Variants in ACBD7 observed in about 807,000 individuals in gnomAD.
ACBD7 encodes the protein acyl-CoA binding domain containing 7.
ACBD7 carries 11 observed loss-of-function variants against 13.7 expected under a neutral mutation model. The observed-to-expected ratio is 0.80, with a 90% CI of 0.50 to 1.33. The LOEUF (loss-of-function observed/expected upper bound fraction) is 1.33. ACBD7 is among the 40% of genes most tolerant of loss of function. The pLI is 0.00. For synonymous variants in ACBD7, 43 were observed against 37.7 expected, an observed-to-expected ratio of 1.14 and a Z score of -0.51; for missense variants, 111 against 103.0, an observed-to-expected ratio of 1.08 and a Z score of -0.33.
rs778683102 is a variant in ACBD7, at chr10:15,079,040, C to T, written c.13G>A (p.Ala5Thr). Reference protein sequence around the residue: MALQADFDRAAEDVR... With the variant: MALQTDFDRAAEDVR... ...TCTTCTGCAGCCCTGTCAAAATCAGCCTAAAGGAAGAACAAACAAACAAAC... is the reference window on the plus strand; with the variant it reads ...TCTTCTGCAGCCCTGTCAAAATCAGTCTAAAGGAAGAACAAACAAACAAAC... The change falls in exon 2 of 4, where the codon GCT becomes ACT. Residue 5 changes from alanine (A) to threonine (T), a missense_variant and splice_region_variant. Coordinates refer to ENST00000356189, the MANE Select transcript of ACBD7 (RefSeq NM_001039844.3). The T allele has an allele frequency of 3.7e-6, 6 of 1,601,322 alleles. No homozygotes were observed. The East Asian group carries it at 1.3e-4, about 36-fold the overall frequency.
chr10:15,082,865 C>T (rs924219349), intron 1 of ACBD7, among the ~76,000 whole-genome samples: 2 of 151,804 alleles, frequency 1.3e-5, no homozygotes, highest in South Asian at 2.1e-4. Flanking sequence ...GGTGAAACAC[C>T]GTCTCTACTA....
rs1002606812 is a variant in ACBD7, at chr10:15,078,316, C to T, written c.*214G>A. 3 of 1,397,234 alleles carry T rather than the reference C, an allele frequency of 2.1e-6. No individual in the cohort carries two copies. The Admixed American group carries it at 8.8e-5, about 41-fold the overall frequency. The allele number at this position is 1,397,234 out of a possible 1,614,324, so 86.6% of individuals were successfully genotyped here. A position where few individuals can be genotyped will look rare whatever the true frequency, so the allele number is the denominator to read the frequency against. ...AGTATTCCATGGTGTATATGTGCCA[C>T]ATTTTCTTAAAAAGAACTTTTAAAG... On this transcript the variant is annotated 3_prime_UTR_variant, in exon 4 of 4. Coordinates refer to ENST00000356189, the MANE Select transcript of ACBD7 (RefSeq NM_001039844.3).
Position 15,076,952 on chromosome 10 carries a change from T to C in ACBD7, c.*1578A>G. ...TTCTAAAAAGTCAAAAAACAACAGA[T>C]GTGGAGAAAAGGGAATGCTTATACA... is the stretch of plus-strand genomic sequence containing the variant. On this transcript the variant is annotated 3_prime_UTR_variant, in exon 4 of 4. Coordinates refer to ENST00000356189, the MANE Select transcript of ACBD7 (RefSeq NM_001039844.3). 1.0e-6 allele frequency: 1 copy of C among 983,562 alleles called. No individual in the cohort carries two copies. The highest frequency in any genetic ancestry group is 1.2e-6 in the Non-Finnish European group (1 of 828,308). The allele number at this position is 983,562 out of a possible 1,614,324, so 60.9% of individuals were successfully genotyped here.
chr10:15,087,038 G>C (rs1844817748), intron 1 of ACBD7, among the ~76,000 whole-genome samples: 1 of 147,456 alleles, frequency 6.8e-6, no homozygotes, highest in East Asian at 2.0e-4. Context: ...AAAATAGCCA[G>C]GTGTGGTGGC....
In ACBD7 at chr10:15,078,481, G is replaced by A. The variant is rs767513855; in HGVS notation, c.*49C>T. On this transcript the variant is annotated 3_prime_UTR_variant, in exon 4 of 4. Transcript: ENST00000356189. Reference sequence around the variant, plus strand: ...CCTCTCCCTCTAAATGTTAGGTCATGATAGCATTTGGAAGTCTTCAAAAGG... The same window carrying A: ...CCTCTCCCTCTAAATGTTAGGTCATAATAGCATTTGGAAGTCTTCAAAAGG... The A allele has an allele frequency of 4.3e-6, 7 of 1,612,226 alleles. No homozygotes were observed. The South Asian group carries it at 4.4e-5, about 10-fold the overall frequency.
chr10:15,087,971 C>T (rs1301475819), intron 1 of ACBD7, among the ~76,000 whole-genome samples: 1 of 151,968 alleles, frequency 6.6e-6, no homozygotes, highest in African/African-American at 2.4e-5. Context: ...ACCAACTGCG[C>T]CTCAACCTGG....
In ACBD7 at chr10:15,076,085, T is replaced by G; in HGVS notation, c.*2445A>C. 1 of 980,752 alleles carries G rather than the reference T, an allele frequency of 1.0e-6. No homozygotes were observed. Among genetic ancestry groups the G allele is most frequent in the East Asian group, 1.1e-4 (1 of 8,802 alleles). 60.8% of individuals were successfully genotyped at this position (980,752 alleles called of 1,614,324 possible). A position where few individuals can be genotyped will look rare whatever the true frequency, so the allele number is the denominator to read the frequency against. ...CTGCTCAGCATAATTCCCTGGAAATTCATCTAGCAGACCTAGATAGTTTTG... is the reference window on the plus strand; with the variant it reads ...CTGCTCAGCATAATTCCCTGGAAATGCATCTAGCAGACCTAGATAGTTTTG... On this transcript the variant is annotated 3_prime_UTR_variant, in exon 4 of 4. Transcript: ENST00000356189.
rs1844669490 is a variant in ACBD7, at chr10:15,075,651, T to C, written c.*2879A>G. On this transcript the variant is annotated 3_prime_UTR_variant, in exon 4 of 4. Transcript: ENST00000356189. ...CTCCCTCCTCCCTGGCAACCACTAT[T>C]CCATCCTTTGCGTCTATAAATGTTC... Among the ~76,000 whole-genome samples the C allele has an allele frequency of 6.6e-6, 1 of 152,108 alleles. No homozygotes were observed. Among genetic ancestry groups the C allele is most frequent in the South Asian group, 2.1e-4 (1 of 4,822 alleles).
chr10:15,075,802 T>C lies in ACBD7; in HGVS notation c.*2728A>G, dbSNP rs1238027320. ...CAGCCTGGGCAACATGGTGAAACCCTGTCTCTATGAAAAATACAAAAATTA... is the reference window on the plus strand; with the variant it reads ...CAGCCTGGGCAACATGGTGAAACCCCGTCTCTATGAAAAATACAAAAATTA... On this transcript the variant is annotated 3_prime_UTR_variant, in exon 4 of 4. Coordinates refer to ENST00000356189, the MANE Select transcript of ACBD7 (RefSeq NM_001039844.3). 6.6e-6 allele frequency among the ~76,000 whole-genome samples: 1 copy of C among 151,968 alleles called. No homozygotes were observed. Among genetic ancestry groups the C allele is most frequent in the Non-Finnish European group, 1.5e-5 (1 of 67,968 alleles).
chr10:15,079,054 A>G lies in ACBD7; in HGVS notation c.13-14T>C. On this transcript the variant is annotated splice_polypyrimidine_tract_variant and intron_variant, in intron 1 of 3. Coordinates refer to ENST00000356189, the MANE Select transcript of ACBD7 (RefSeq NM_001039844.3). ...GTCAAAATCAGCCTAAAGGAAGAAC[A>G]AACAAACAAACAAAAGGAGCATTTT... 1 of 1,549,776 alleles carries G rather than the reference A, an allele frequency of 6.5e-7. No individual in the cohort carries two copies. The highest frequency in any genetic ancestry group is 8.8e-7 in the Non-Finnish European group (1 of 1,133,714).
rs1292565527 is a variant in ACBD7 at position 15,075,851 on chromosome 10, G to A, written c.*2679C>T. ...TAGCTGGGCATGGTTGCACGCACCTGTAGTCCCAGCTACTCTGGAGGCTGA... is the reference window on the plus strand; with the variant it reads ...TAGCTGGGCATGGTTGCACGCACCTATAGTCCCAGCTACTCTGGAGGCTGA... On this transcript the variant is annotated 3_prime_UTR_variant, in exon 4 of 4. Transcript: ENST00000356189. 6.6e-6 allele frequency among the ~76,000 whole-genome samples: 1 copy of A among 151,920 alleles called. No homozygotes were observed. The highest frequency in any genetic ancestry group is 6.6e-5 in the Admixed American group (1 of 15,234).
intron 1 of ACBD7, among the ~76,000 whole-genome samples, chr10:15,081,184 T>C (rs1249412023): frequency 6.6e-6 from 1 of 151,768 alleles, no homozygotes; most frequent in Non-Finnish European, 1.5e-5. Flanking sequence ...TAACGTTAAA[T>C]ACTAAAAGCA....
chr10:15,075,997 A>AT lies in ACBD7; in HGVS notation c.*2532_*2533insA. 3.3e-6 allele frequency: 2 copies of AT among 609,676 alleles called. No homozygotes were observed. The highest frequency in any genetic ancestry group is 4.1e-6 in the Non-Finnish European group (2 of 490,810). The allele number at this position is 609,676 out of a possible 1,614,324, so 37.8% of individuals were successfully genotyped here. A position where few individuals can be genotyped will look rare whatever the true frequency, so the allele number is the denominator to read the frequency against. On this transcript the variant is annotated 3_prime_UTR_variant, in exon 4 of 4. Coordinates refer to ENST00000356189, the MANE Select transcript of ACBD7 (RefSeq NM_001039844.3). ...TCAACAAAAAAAAAAAAAAAAAAAA[A>AT]GAAAAGAAAAAGAATGTTATATAAA...
intron 1 of ACBD7, among the ~76,000 whole-genome samples, chr10:15,086,079 A>G (rs139366737): frequency 0.038 from 5,744 of 151,844 alleles, 114 homozygotes; most frequent in African/African-American, 0.042. Context: ...AGGCTGAGGC[A>G]GGCAGATCAC....
At position 15,076,542 on chromosome 10, in the gene ACBD7, G is replaced by A. The variant is rs186383781; in HGVS notation, c.*1988C>T. On this transcript the variant is annotated 3_prime_UTR_variant, in exon 4 of 4. Transcript: ENST00000356189. ...TTTTGAGACGGAGTCTTGTTTTGTCGCCCAGGCTGGAGTGCAGTGGTGTGA... is the reference window on the plus strand; with the variant it reads ...TTTTGAGACGGAGTCTTGTTTTGTCACCCAGGCTGGAGTGCAGTGGTGTGA... 5.1e-5 allele frequency: 44 copies of A among 856,392 alleles called. No individual in the cohort carries two copies. Among genetic ancestry groups the A allele is most frequent in the Middle Eastern group, 6.0e-4 (1 of 1,660 alleles). 53.0% of individuals were successfully genotyped at this position (856,392 alleles called of 1,614,324 possible).
chr10:15,087,390 A>G (rs994208137), intron 1 of ACBD7, among the ~76,000 whole-genome samples: 1 of 152,236 alleles, frequency 6.6e-6, no homozygotes, highest in Non-Finnish European at 1.5e-5. Flanking sequence ...GCCCTGAAGT[A>G]TGTATTACAA....
chr10:15,081,135 A>G (rs906043707), intron 1 of ACBD7, among the ~76,000 whole-genome samples: 2 of 152,192 alleles, frequency 1.3e-5, no homozygotes, highest in African/African-American at 4.8e-5. Context: ...CTAAACAGGC[A>G]GGCCTCCATA....
At chr10:15,086,496 G>C (rs1448706489) in intron 1 of ACBD7, among the ~76,000 whole-genome samples, 1 of 152,166 alleles carries the variant, frequency 6.6e-6, no homozygotes. Flanking sequence ...AAGCTAAAAA[G>C]GAAACTTTCA....
At chr10:15,087,013 CA>C (rs542190096) in intron 1 of ACBD7, among the ~76,000 whole-genome samples, 2,267 of 107,312 alleles carry the variant, frequency 0.021, 39 homozygotes, top group African/African-American at 0.062. Context: ...AACTCCATCT[CA>C]AAAAAAAAAA....
Sources: gnomAD v4.1 joint callset for allele counts (sites outside exome capture counted in the v4.1 genomes callset) on GRCh38, gnomAD v4.1.1 for gene constraint, MANE v1.5 for transcripts, NCBI Gene and HGNC (gene_info 2026-07-23, HGNC 2026-07-21) for gene names.